The following NFE2L3 variants were observed in gnomAD, a reference collection of about 807,000 sequenced individuals.
NFE2L3 encodes the protein NFE2 like bZIP transcription factor 3, also known as nuclear factor erythroid 2-related factor 3.
A neutral mutation model predicts 23.5 loss-of-function variants in NFE2L3; 18 were observed. That is an observed-to-expected ratio of 0.77 (90% CI 0.53 to 1.13). The LOEUF (loss-of-function observed/expected upper bound fraction) is 1.13, where lower values mean the gene tolerates loss of function less well. NFE2L3 is among the 50% of genes most tolerant of loss of function. The probability of loss-of-function intolerance (pLI) is 0.00; values close to 1 mark genes in which losing one functional copy is unlikely to be tolerated. For missense variants in NFE2L3, 1,152 were observed against 877.2 expected (o/e 1.31, Z -3.96); for synonymous variants, 424 against 354.5 (o/e 1.20, Z -2.20).
chr7:26,183,297 C>G (rs1025710823), intron 2 of NFE2L3, among the ~76,000 whole-genome samples: 7 of 152,102 alleles, frequency 4.6e-5, no homozygotes, highest in Non-Finnish European at 1.5e-5. Context: ...TCTGTAATCC[C>G]AGCACTTTGG....
At position 26,152,891 on chromosome 7, in the gene NFE2L3, C is replaced by T. The variant is rs1016168399; in HGVS notation, c.393C>T (p.Ala131=). The T allele has an allele frequency of 6.9e-7, 1 of 1,452,150 alleles. No individual in the cohort carries two copies. The highest frequency in any genetic ancestry group is 2.4e-4 in the Middle Eastern group (1 of 4,116). The allele number at this position is 1,452,150 out of a possible 1,614,324, so 90.0% of individuals were successfully genotyped here. A position where few individuals can be genotyped will look rare whatever the true frequency, so the allele number is the denominator to read the frequency against. The change falls in exon 1 of 4, where the codon GCC becomes GCT. Residue 131 remains alanine (A), a synonymous_variant. Transcript: ENST00000056233. The surrounding 1 kb of genome is among the most constrained non-coding windows in gnomAD (Gnocchi z 4.4). ...AGGCCCACGGGCTGCTCGGCGCCGC[C>T]GCCGCCTCGTCCACCGGAGGAGCCG... ...ADEAHGLLGA[A]AASSTGGAGA...
chr7:26,160,025 C>T (rs913398294), intron 1 of NFE2L3, among the ~76,000 whole-genome samples: 2 of 139,932 alleles, frequency 1.4e-5, no homozygotes, highest in African/African-American at 5.4e-5. Flanking sequence ...GCAGTCATAT[C>T]TTACTGCAGC....
chr7:26,184,388 T>C (rs1387940954), intron 3 of NFE2L3, 145 bp from the exon 4 acceptor site: 9 of 700,782 alleles, frequency 1.3e-5, no homozygotes, highest in Non-Finnish European at 1.9e-5. Context: ...TTGCCTGTAT[T>C]TAACTAGGAA....
At chr7:26,175,220 C>T (rs1474698849) in intron 1 of NFE2L3, among the ~76,000 whole-genome samples, 10 of 148,000 alleles carry the variant, frequency 6.8e-5, no homozygotes, top group African/African-American at 5.0e-5. Flanking sequence ...AATAGCTGGG[C>T]GTGGTGGCAG....
chr7:26,165,831 T>C (rs1784242076), intron 1 of NFE2L3, among the ~76,000 whole-genome samples: 1 of 152,176 alleles, frequency 6.6e-6, no homozygotes, highest in South Asian at 2.1e-4. Context: ...CATCAATACC[T>C]AATTTATTGA....
intron 1 of NFE2L3, among the ~76,000 whole-genome samples, chr7:26,171,764 C>A (rs1300635916): frequency 6.6e-6 from 1 of 152,034 alleles, no homozygotes; most frequent in Non-Finnish European, 1.5e-5. Flanking sequence ...GGAGTGATGA[C>A]CCACACCTAT....
intron 1 of NFE2L3, among the ~76,000 whole-genome samples, chr7:26,166,023 A>T (rs1318559211): frequency 6.6e-6 from 1 of 151,748 alleles, no homozygotes; most frequent in African/African-American, 2.4e-5. Context: ...CTGTTTTTGC[A>T]TGATAAAGTA....
At chr7:26,183,659 A>G in intron 2 of NFE2L3, 42 bp from the exon 3 acceptor site, 1 of 1,240,542 alleles carries the variant, frequency 8.1e-7, no homozygotes, top group Non-Finnish European at 1.2e-6. Flanking sequence ...CAACCAGTTC[A>G]GTCTTTTATG....
rs1160437132 is a variant in NFE2L3, at chr7:26,186,019, CAT to C, written c.*238_*239del. ...CATGAAGTGCATTGTATACAAAATT[CAT>C]AGTTATGTCCAAAGAATAGGTTAAC... On this transcript the variant is annotated 3_prime_UTR_variant, in exon 4 of 4. Coordinates refer to ENST00000056233, the MANE Select transcript of NFE2L3 (RefSeq NM_004289.7). The C allele has an allele frequency of 7.7e-5, 29 of 374,962 alleles. No homozygotes were observed. Among genetic ancestry groups the C allele is most frequent in the Admixed American group, 3.4e-4 (8 of 23,538 alleles). The allele number at this position is 374,962 out of a possible 1,614,324, so 23.2% of individuals were successfully genotyped here.
Position 26,152,774 on chromosome 7 carries a change from C to T in NFE2L3, c.276C>T (p.Leu92=), listed in dbSNP as rs1317540270. ...CCGCGCCGCCCGAGGGCCAGCTGCT[C>T]CGGGAGGTGCGCGCGCTCGGGGTCC... ...DPAAPPEGQL[L]REVRALGVPF... The change falls in exon 1 of 4, where the codon CTC becomes CTT. Residue 92 remains leucine, a synonymous_variant. Transcript: ENST00000056233. The surrounding 1 kb of genome is among the most constrained non-coding windows in gnomAD (Gnocchi z 4.4). The T allele has an allele frequency of 1.3e-5, 20 of 1,483,968 alleles. No individual in the cohort carries two copies. In the East Asian group the frequency reaches 3.8e-4, roughly 28 times the overall value. 91.9% of individuals were successfully genotyped at this position (1,483,968 alleles called of 1,614,324 possible). A position where few individuals can be genotyped will look rare whatever the true frequency, so the allele number is the denominator to read the frequency against.
In NFE2L3 at chr7:26,163,492, G is replaced by A. The variant is rs552522213; in HGVS notation, c.570+10424G>A. On this transcript the variant is annotated intron_variant, in intron 1 of 3. Coordinates refer to ENST00000056233, the MANE Select transcript of NFE2L3 (RefSeq NM_004289.7). ...CTCCCAAGTAGCTAAGATTACAAGCGTGCGCTGCCAAGCCCAGCTAATTTT... is the reference window on the plus strand; with the variant it reads ...CTCCCAAGTAGCTAAGATTACAAGCATGCGCTGCCAAGCCCAGCTAATTTT... Among the ~76,000 whole-genome samples the A allele has an allele frequency of 1.8e-4, 27 of 152,140 alleles. No homozygotes were observed. The South Asian group carries it at 5.2e-3, about 29-fold the overall frequency.
chr7:26,153,125 G>C, intron 1 of NFE2L3, 57 bp downstream of exon 1: 1 of 1,466,518 alleles, frequency 6.8e-7, no homozygotes, highest in South Asian at 1.3e-5. Context: ...GGGAGCCCCC[G>C]AGGCTTGTGT....
chr7:26,184,489 A>G (rs770667728), intron 3 of NFE2L3, 44 bp from the exon 4 acceptor site: 1 of 1,541,840 alleles, frequency 6.5e-7, no homozygotes, highest in Non-Finnish European at 8.8e-7. Context: ...CTGCTTCAGA[A>G]ATAGGGCTAT....
intron 2 of NFE2L3, among the ~76,000 whole-genome samples, chr7:26,180,213 G>GGT (rs1784481914): frequency 6.6e-6 from 1 of 152,126 alleles, no homozygotes; most frequent in South Asian, 2.1e-4. Flanking sequence ...AGTTCTAAGT[G>GGT]GTCTCCTTGA....
chr7:26,180,500 AT>A (rs1335394623), intron 2 of NFE2L3, among the ~76,000 whole-genome samples: 1 of 152,226 alleles, frequency 6.6e-6, no homozygotes, highest in Non-Finnish European at 1.5e-5. Flanking sequence ...GGACTTTTAT[AT>A]TAAAATACTG....
chr7:26,153,459 G>A (rs1784030640), intron 1 of NFE2L3, among the ~76,000 whole-genome samples: 1 of 152,182 alleles, frequency 6.6e-6, no homozygotes, highest in Non-Finnish European at 1.5e-5. Context: ...AGGAGGCCGT[G>A]ACCTCTGGGA....
At chr7:26,178,797 C>CA (rs1784459100) in intron 2 of NFE2L3, among the ~76,000 whole-genome samples, 1 of 152,180 alleles carries the variant, frequency 6.6e-6, no homozygotes, top group Non-Finnish European at 1.5e-5. Flanking sequence ...ACAAGCATGG[C>CA]AAACAGGCAC....
chr7:26,152,250 C>T lies in NFE2L3; in HGVS notation c.-249C>T, dbSNP rs1382016652. 9.3e-6 allele frequency: 2 copies of T among 216,120 alleles called. No homozygotes were observed. Among genetic ancestry groups the T allele is most frequent in the African/African-American group, 4.6e-5 (2 of 43,108 alleles). The allele number at this position is 216,120 out of a possible 1,614,324, so 13.4% of individuals were successfully genotyped here. On this transcript the variant is annotated 5_prime_UTR_variant, in exon 1 of 4. Transcript: ENST00000056233. The surrounding 1 kb of genome is among the most constrained non-coding windows in gnomAD (Gnocchi z 4.4). ...GGCGGCTGGGCGAACGGGCTCGGCGCTCAGGTGGCTCCTTCTTCGCTTCTC... is the reference window on the plus strand; with the variant it reads ...GGCGGCTGGGCGAACGGGCTCGGCGTTCAGGTGGCTCCTTCTTCGCTTCTC...
chr7:26,184,665 C>T lies in NFE2L3; in HGVS notation c.967C>T (p.Pro323Ser), dbSNP rs769523561. ...VNLHEAILLC[P>S]NNTFRRDPTA... ...TCTTCATGAGGCCATCTTGCTTTGT[C>T]CCAACAATACATTTAGAAGAGATCC... Residue 323 changes from proline to serine, a missense_variant, in exon 4 of 4, where the codon CCC becomes TCC. Physicochemically the swap from Pro to Ser is moderately conservative, Grantham distance 74 (BLOSUM62 -1). Coordinates refer to ENST00000056233, the MANE Select transcript of NFE2L3 (RefSeq NM_004289.7). 2 of 1,613,896 alleles carry T rather than the reference C, an allele frequency of 1.2e-6. No individual in the cohort carries two copies. Among genetic ancestry groups the T allele is most frequent in the South Asian group, 1.1e-5 (1 of 91,070 alleles).
Sources: allele counts gnomAD v4.1 joint callset (sites outside exome capture counted in the v4.1 genomes callset), GRCh38; gene constraint gnomAD v4.1.1; non-coding constraint Gnocchi (gnomAD v3.1); transcripts MANE v1.5; gene names NCBI Gene and HGNC (gene_info 2026-07-23, HGNC 2026-07-21).